Variants in RPS19BP1 observed in about 807,000 individuals in gnomAD.
The protein encoded by RPS19BP1 is active regulator of SIRT1.
In RPS19BP1, 14 loss-of-function variants were observed where a neutral mutation model predicts 16.6. The ratio of observed to expected loss-of-function variants is 0.84; its 90% CI spans 0.56 to 1.32. The LOEUF (loss-of-function observed/expected upper bound fraction) is 1.32. RPS19BP1 is among the 40% of genes most tolerant of loss of function. The probability of loss-of-function intolerance (pLI) is 0.00; values close to 1 mark genes in which losing one functional copy is unlikely to be tolerated. For synonymous variants in RPS19BP1, 90 were observed against 77.3 expected, an observed-to-expected ratio of 1.16 and a Z score of -0.86; for missense variants, 188 against 178.6, an observed-to-expected ratio of 1.05 and a Z score of -0.30.
Position 39,529,871 on chromosome 22 carries a change from C to G in RPS19BP1, c.228G>C (p.Leu76=). Residue 76 remains leucine (L), a synonymous_variant, in exon 3 of 4, where the codon CTG becomes CTC. Transcript: ENST00000334678. The part of the protein sequence containing the change: ...RECRDHLRVN[L]KFLTRTRSTV... ...TGCTTCTCGTCCTGGTCAGAAACTTCAGGTTTACTCTGAGGTGGTCTCGAC... is the reference window on the plus strand; with the variant it reads ...TGCTTCTCGTCCTGGTCAGAAACTTGAGGTTTACTCTGAGGTGGTCTCGAC... The G allele has an allele frequency of 6.2e-7, 1 of 1,614,208 alleles. No homozygotes were observed. Among genetic ancestry groups the G allele is most frequent in the Non-Finnish European group, 8.5e-7 (1 of 1,180,040 alleles).
At chr22:39,529,983 G>A (rs368186709) in intron 2 of RPS19BP1, 66 bp from the exon 3 acceptor site, 3 of 1,328,954 alleles carry the variant, frequency 2.3e-6, no homozygotes, top group Non-Finnish European at 3.2e-6. Context: ...TCAGTCCCTG[G>A]CCCATGGCCC....
In RPS19BP1 at chr22:39,529,413, G is replaced by A. The variant is rs1025299706; in HGVS notation, c.*79C>T. ...CTGCATCGCCATCTGCTGGCCGCGCGGCACGGCCGGTTCCTGGAGCCAGCA... is the reference window on the plus strand; with the variant it reads ...CTGCATCGCCATCTGCTGGCCGCGCAGCACGGCCGGTTCCTGGAGCCAGCA... On this transcript the variant is annotated 3_prime_UTR_variant, in exon 4 of 4. Transcript: ENST00000334678. 13 of 1,568,270 alleles carry A rather than the reference G, an allele frequency of 8.3e-6. No homozygotes were observed. The East Asian group carries it at 2.1e-4, about 25-fold the overall frequency.
Position 39,529,142 on chromosome 22 carries a change from C to A in RPS19BP1, c.*350G>T, listed in dbSNP as rs1569029434. 9.9e-6 allele frequency: 3 copies of A among 301,742 alleles called. No homozygotes were observed. Among genetic ancestry groups the A allele is most frequent in the Non-Finnish European group, 1.9e-5 (3 of 156,986 alleles). 18.7% of individuals were successfully genotyped at this position (301,742 alleles called of 1,614,324 possible). ...TTGGAAGCCCACCCTTCTTCCTACT[C>A]CTGGAGCTGTCGTCCCCAAGGGCTC... is the stretch of plus-strand genomic sequence containing the variant. On this transcript the variant is annotated 3_prime_UTR_variant, in exon 4 of 4. Transcript: ENST00000334678.
At position 39,529,447 on chromosome 22, in the gene RPS19BP1, A is replaced by C; in HGVS notation, c.*45T>G. The C allele has an allele frequency of 6.2e-7, 1 of 1,608,810 alleles. No homozygotes were observed. Among genetic ancestry groups the C allele is most frequent in the Non-Finnish European group, 8.5e-7 (1 of 1,177,824 alleles). ...GGTTCCTGGAGCCAGCAGGAGTCGG[A>C]GGCTGCAGGGCTTGAAGGCCTCTTC... is the stretch of plus-strand genomic sequence containing the variant. On this transcript the variant is annotated 3_prime_UTR_variant, in exon 4 of 4. Transcript: ENST00000334678.
rs750090417 is a variant in RPS19BP1, at chr22:39,529,494, A to G, written c.409T>C (p.Ter137GlnextTer7). ...QKFQQEYFGS[*>Q] ...CTTCACCGTGCCCTCCAGGGAGCCT[A>G]GCTGCCGAAGTATTCCTGCTGGAAC... The change falls in exon 4 of 4, where the codon TAG becomes CAG. Residue 137 changes from the stop codon to glutamine, a stop_lost. Transcript: ENST00000334678. 2 of 1,614,178 alleles carry G rather than the reference A, an allele frequency of 1.2e-6. No individual in the cohort carries two copies. The highest frequency in any genetic ancestry group is 2.2e-5 in the South Asian group (2 of 91,074).
chr22:39,530,022 G>A, intron 2 of RPS19BP1, 105 bp from the exon 3 acceptor site: 1 of 867,672 alleles, frequency 1.2e-6, no homozygotes. Context: ...TCCCTTCCCA[G>A]GTTATTACAG....
At chr22:39,529,651 A>G (rs1396950505) in intron 3 of RPS19BP1, 28 bp from the exon 4 acceptor site, 1 of 1,611,900 alleles carries the variant, frequency 6.2e-7, no homozygotes, top group Admixed American at 1.7e-5. Flanking sequence ...CCGAGGGCCC[A>G]TCATTTCAAG....
At position 39,530,056 on chromosome 22, in the gene RPS19BP1, T is replaced by C. The variant is rs1931267370; in HGVS notation, c.182-139A>G. ...AGCGGCTGGGCTCTTCTCCATCAAA[T>C]GCATTCTCCACACAGGTCCTGCTGA... On this transcript the variant is annotated intron_variant, in intron 2 of 3. Transcript: ENST00000334678. 3 of 678,562 alleles carry C rather than the reference T, an allele frequency of 4.4e-6. No individual in the cohort carries two copies. In the Admixed American group the frequency reaches 7.5e-5, roughly 17 times the overall value. 42.0% of individuals were successfully genotyped at this position (678,562 alleles called of 1,614,324 possible).
In RPS19BP1 at chr22:39,532,511, G is replaced by A. The variant is rs199952941; in HGVS notation, c.65C>T (p.Pro22Leu). 56 of 1,614,048 alleles carry A rather than the reference G, an allele frequency of 3.5e-5. No homozygotes were observed. The East Asian group carries it at 1.2e-3, about 33-fold the overall frequency. ...LLAASEAPRD[P>L]PGQAKPRGAP... ...CCCTCTCGGCTTGGCCTGACCTGGA[G>A]GGTCCCGGGGGGCTGTAGGGGAAGA... The change falls in exon 2 of 4, where the codon CCT becomes CTT. Residue 22 changes from proline to leucine, a missense_variant. By Grantham distance (98) the Pro-to-Leu change is moderately conservative. Transcript: ENST00000334678.
Position 39,529,422 on chromosome 22 carries a change from G to A in RPS19BP1, c.*70C>T, listed in dbSNP as rs1214520458. The A allele has an allele frequency of 7.6e-6, 12 of 1,586,546 alleles. No homozygotes were observed. In the South Asian group the frequency reaches 1.2e-4, roughly 16 times the overall value. On this transcript the variant is annotated 3_prime_UTR_variant, in exon 4 of 4. Coordinates refer to ENST00000334678, the MANE Select transcript of RPS19BP1 (RefSeq NM_194326.4). ...CATCTGCTGGCCGCGCGGCACGGCC[G>A]GTTCCTGGAGCCAGCAGGAGTCGGA...
chr22:39,532,124 T>G (rs1472471086), intron 2 of RPS19BP1: 2 of 444,468 alleles, frequency 4.5e-6, no homozygotes, highest in Non-Finnish European at 8.1e-6. Flanking sequence ...TACCGTAGTC[T>G]TTTAATTCAT....
Position 39,529,813 on chromosome 22 carries a change from G to T in RPS19BP1, c.279+7C>A. On this transcript the variant is annotated splice_region_variant and intron_variant, in intron 3 of 3. Coordinates refer to ENST00000334678, the MANE Select transcript of RPS19BP1 (RefSeq NM_194326.4). ...CCAGGTCCCTTCCTATAGTACCCTC[G>T]ACCAACCTGCTGGCTCACAGACTCA... 1 of 1,613,634 alleles carries T rather than the reference G, an allele frequency of 6.2e-7. No homozygotes were observed. Among genetic ancestry groups the T allele is most frequent in the Non-Finnish European group, 8.5e-7 (1 of 1,179,690 alleles).
Position 39,529,116 on chromosome 22 carries a change from C to T in RPS19BP1, c.*376G>A, listed in dbSNP as rs1931233936. The stretch of plus-strand genomic sequence containing the variant: ...GCTCTTGGGTTCACATTTATTGTAA[C>T]TTGGAAGCCCACCCTTCTTCCTACT... On this transcript the variant is annotated 3_prime_UTR_variant, in exon 4 of 4. Transcript: ENST00000334678. 2 of 260,830 alleles carry T rather than the reference C, an allele frequency of 7.7e-6. No individual in the cohort carries two copies. Among genetic ancestry groups the T allele is most frequent in the South Asian group, 7.6e-5 (2 of 26,338 alleles). The allele number at this position is 260,830 out of a possible 1,614,324, so 16.2% of individuals were successfully genotyped here.
rs752591929 is a variant in RPS19BP1 at position 39,529,773 on chromosome 22, C to T, written c.279+47G>A. Reference sequence around the variant, plus strand: ...CGCCATGGGTCCCTAGGGGAACAGCCTCGGCTCTCACCTCCCAGGTCCCTT... The same window carrying T: ...CGCCATGGGTCCCTAGGGGAACAGCTTCGGCTCTCACCTCCCAGGTCCCTT... On this transcript the variant is annotated intron_variant, in intron 3 of 3. Transcript: ENST00000334678. 1.9e-6 allele frequency: 3 copies of T among 1,603,320 alleles called. 1 individual carries two copies. The highest frequency in any genetic ancestry group is 2.6e-6 in the Non-Finnish European group (3 of 1,171,008).
In RPS19BP1 at chr22:39,529,266, G is replaced by C; in HGVS notation, c.*226C>G. ...CCTTTCCGGCAGGTGCAGATGCTCT[G>C]CCCAGGCCTGCGGAAGCCAGCTCCG... is the stretch of plus-strand genomic sequence containing the variant. On this transcript the variant is annotated 3_prime_UTR_variant, in exon 4 of 4. Transcript: ENST00000334678. The C allele has an allele frequency of 1.7e-6, 1 of 602,324 alleles. No individual in the cohort carries two copies. The highest frequency in any genetic ancestry group is 3.0e-5 in the Admixed American group (1 of 33,004). 37.3% of individuals were successfully genotyped at this position (602,324 alleles called of 1,614,324 possible).
chr22:39,532,221 A>G, intron 2 of RPS19BP1, 174 bp downstream of exon 2: 1 of 791,178 alleles, frequency 1.3e-6, no homozygotes, highest in South Asian at 1.8e-5. Flanking sequence ...CACGAGGACC[A>G]GGACGGTGGC....
At position 39,529,124 on chromosome 22, in the gene RPS19BP1, C is replaced by G. The variant is rs1931234258; in HGVS notation, c.*368G>C. 3.8e-6 allele frequency: 1 copy of G among 265,880 alleles called. No individual in the cohort carries two copies. Among genetic ancestry groups the G allele is most frequent in the South Asian group, 3.7e-5 (1 of 26,668 alleles). 16.5% of individuals were successfully genotyped at this position (265,880 alleles called of 1,614,324 possible). On this transcript the variant is annotated 3_prime_UTR_variant, in exon 4 of 4. Coordinates refer to ENST00000334678, the MANE Select transcript of RPS19BP1 (RefSeq NM_194326.4). ...GTTCACATTTATTGTAACTTGGAAGCCCACCCTTCTTCCTACTCCTGGAGC... is the reference window on the plus strand; with the variant it reads ...GTTCACATTTATTGTAACTTGGAAGGCCACCCTTCTTCCTACTCCTGGAGC...
At position 39,529,804 on chromosome 22, in the gene RPS19BP1, A is replaced by G. The variant is rs1190640552; in HGVS notation, c.279+16T>C. On this transcript the variant is annotated intron_variant, in intron 3 of 3. Coordinates refer to ENST00000334678, the MANE Select transcript of RPS19BP1 (RefSeq NM_194326.4). ...TCTCACCTCCCAGGTCCCTTCCTAT[A>G]GTACCCTCGACCAACCTGCTGGCTC... The G allele has an allele frequency of 5.0e-6, 8 of 1,612,662 alleles. No individual in the cohort carries two copies. Among genetic ancestry groups the G allele is most frequent in the Non-Finnish European group, 6.8e-6 (8 of 1,178,748 alleles).
rs1313514204 is a variant in RPS19BP1, at chr22:39,529,605, C to T, written c.298G>A (p.Gly100Ser). ...VSQQILRQNR[G>S]RKACDRPVAK... ...ACAGGCCGGTCACAGGCCTTGCGGC[C>T]CCGGTTCTGGCGCAAAATCTGGCGA... Residue 100 changes from glycine (G) to serine (S), a missense_variant, in exon 4 of 4, where the codon GGC becomes AGC. Physicochemically the swap from Gly to Ser is moderately conservative, Grantham distance 56 (BLOSUM62 0). Transcript: ENST00000334678. 2 of 1,614,002 alleles carry T rather than the reference C, an allele frequency of 1.2e-6. No individual in the cohort carries two copies. Among genetic ancestry groups the T allele is most frequent in the Non-Finnish European group, 1.7e-6 (2 of 1,180,022 alleles).
Sources: gnomAD v4.1 joint callset for allele counts on GRCh38, gnomAD v4.1.1 for gene constraint, MANE v1.5 for transcripts, NCBI Gene and HGNC (gene_info 2026-07-23, HGNC 2026-07-21) for gene names.